RBMS3: variants seen among roughly 807,000 people sequenced by gnomAD.
The protein encoded by RBMS3 is RNA binding motif single stranded interacting protein 3.
Under a neutral mutation model 66.8 loss-of-function variants are expected in RBMS3, and 27 were observed. The observed-to-expected ratio is 0.40, with a 90% CI of 0.30 to 0.56. The LOEUF (loss-of-function observed/expected upper bound fraction) is 0.56, where lower values mean the gene tolerates loss of function less well. RBMS3 is among the 20% of genes least tolerant of loss of function. The pLI is 0.40. For missense variants in RBMS3, 513 were observed against 549.5 expected, an observed-to-expected ratio of 0.93 and a Z score of 0.66; for synonymous variants, 188 against 183.0, an observed-to-expected ratio of 1.03 and a Z score of -0.22.
chr3:29,693,646 G>A (rs2052136999), intron 4 of RBMS3, among the ~76,000 whole-genome samples: 1 of 151,910 alleles, frequency 6.6e-6, no homozygotes, highest in African/African-American at 2.4e-5. Context: ...ATATAAGAAA[G>A]CTTAACATAC....
chr3:29,370,923 T>C (rs2038166693), intron 1 of RBMS3, among the ~76,000 whole-genome samples: 2 of 152,186 alleles, frequency 1.3e-5, no homozygotes, highest in Non-Finnish European at 2.9e-5. Context: ...AATAGTAACA[T>C]TTCTTAACTC....
intron 6 of RBMS3, among the ~76,000 whole-genome samples, chr3:29,859,182 CA>C: frequency 6.6e-6 from 1 of 152,122 alleles, no homozygotes; most frequent in Admixed American, 6.5e-5. Context: ...AAATATAATC[CA>C]GGTGATTTGT....
intron 1 of RBMS3, among the ~76,000 whole-genome samples, chr3:29,366,611 G>A (rs974070321): frequency 6.6e-6 from 1 of 151,910 alleles, no homozygotes; most frequent in African/African-American, 2.4e-5. Context: ...CTGGGATCAA[G>A]CGATCTGCCC....
At chr3:29,947,876 A>C (rs1036441958) in intron 12 of RBMS3, among the ~76,000 whole-genome samples, 1 of 151,072 alleles carries the variant, frequency 6.6e-6, no homozygotes, top group African/African-American at 2.4e-5. Flanking sequence ...CAAGCAGAAG[A>C]CTACTATCAC....
At chr3:29,897,535 A>C in intron 9 of RBMS3, 60 bp downstream of exon 9, 3 of 1,464,046 alleles carry the variant, frequency 2.0e-6, no homozygotes, top group South Asian at 2.3e-5. Context: ...CAGTATTTAG[A>C]GGCAAAAAGG....
chr3:29,656,276 C>T (rs1361587800), intron 4 of RBMS3, among the ~76,000 whole-genome samples: 1 of 152,166 alleles, frequency 6.6e-6, no homozygotes, highest in Non-Finnish European at 1.5e-5. Context: ...CATTCATGTA[C>T]ATCATTTCAA....
At chr3:29,596,557 C>G (rs1302047790) in intron 4 of RBMS3, among the ~76,000 whole-genome samples, 2 of 152,152 alleles carry the variant, frequency 1.3e-5, no homozygotes, top group Non-Finnish European at 2.9e-5. Flanking sequence ...TATTATTATT[C>G]CAATTGTACA....
chr3:29,474,977 A>G (rs2042894991), intron 2 of RBMS3, among the ~76,000 whole-genome samples: 1 of 152,210 alleles, frequency 6.6e-6, no homozygotes, highest in South Asian at 2.1e-4. Context: ...AAAAACTGAT[A>G]TAGTATAAAT....
At chr3:29,625,700 GTAAATAAATAAATAAA>G (rs35124957) in intron 4 of RBMS3, among the ~76,000 whole-genome samples, 2 of 139,918 alleles carry the variant, frequency 1.4e-5, no homozygotes, top group East Asian at 2.3e-4. Context: ...CGCCATTAAA[GTAAATAAATAAATAAA>G]TAAATAAATA....
At chr3:29,646,337 C>A (rs187794809) in intron 4 of RBMS3, among the ~76,000 whole-genome samples, 3 of 152,278 alleles carry the variant, frequency 2.0e-5, no homozygotes, top group Admixed American at 6.5e-5. Flanking sequence ...ACAATTGTGG[C>A]TGTACAATTT....
At chr3:29,954,664 C>T (rs1577239276) in intron 12 of RBMS3, among the ~76,000 whole-genome samples, 1 of 151,968 alleles carries the variant, frequency 6.6e-6, no homozygotes, top group East Asian at 1.9e-4. Flanking sequence ...GCACTCTATG[C>T]CACATGCAAT....
chr3:29,955,152 G>T (rs989795817), intron 12 of RBMS3, among the ~76,000 whole-genome samples: 1 of 151,976 alleles, frequency 6.6e-6, no homozygotes, highest in South Asian at 2.1e-4. Context: ...GGTGATAGCT[G>T]CTCACTGGCC....
chr3:29,562,970 G>T (rs2046609924), intron 3 of RBMS3, among the ~76,000 whole-genome samples: 1 of 152,120 alleles, frequency 6.6e-6, no homozygotes, highest in Non-Finnish European at 1.5e-5. Flanking sequence ...AGACATGTCT[G>T]GAAGAAAAGC....
Position 29,355,555 on chromosome 3 carries a change from C to CAAA in RBMS3, c.75+73801_75+73802insAAA, listed in dbSNP as rs761034684. ...ATTCCTTATGGGAAAATATATACAG[C>CAAA]AAGAAAAAAAAAAGGAAAAAATGTT... On this transcript the variant is annotated intron_variant, in intron 1 of 14. Coordinates refer to ENST00000383767, the MANE Select transcript of RBMS3 (RefSeq NM_001003793.3). Among the ~76,000 whole-genome samples the CAAA allele has an allele frequency of 1.5e-3, 214 of 146,432 alleles. 1 individual carries two copies. Among genetic ancestry groups the CAAA allele is most frequent in the African/African-American group, 4.6e-3 (186 of 40,140 alleles).
chr3:29,439,607 T>TTA (rs1352681533), intron 2 of RBMS3, among the ~76,000 whole-genome samples: 3 of 151,474 alleles, frequency 2.0e-5, no homozygotes, highest in Non-Finnish European at 4.4e-5. Context: ...ATTTATTTAT[T>TTA]TATTTTTATT....
chr3:29,324,136 A>T (rs1241132262), intron 1 of RBMS3, among the ~76,000 whole-genome samples: 1 of 152,190 alleles, frequency 6.6e-6, no homozygotes, highest in Non-Finnish European at 1.5e-5. Context: ...CACAGATTTT[A>T]CTGTGCAATG....
intron 10 of RBMS3, among the ~76,000 whole-genome samples, chr3:29,916,653 G>A (rs1211267098): frequency 6.6e-6 from 1 of 151,898 alleles, no homozygotes; most frequent in Non-Finnish European, 1.5e-5. Flanking sequence ...AATACTGAAA[G>A]TAAAGGAGAA....
chr3:29,316,552 C>T (rs1304883634), intron 1 of RBMS3, among the ~76,000 whole-genome samples: 2 of 151,638 alleles, frequency 1.3e-5, no homozygotes, highest in Non-Finnish European at 3.0e-5. Flanking sequence ...TTCCACTGTG[C>T]TCACTCTGCT....
intron 4 of RBMS3, among the ~76,000 whole-genome samples, chr3:29,640,386 A>G (rs2049655740): frequency 6.6e-6 from 1 of 151,926 alleles, no homozygotes; most frequent in Non-Finnish European, 1.5e-5. Flanking sequence ...AATGAGGAAA[A>G]TGATTAAGCT....
Sources: gnomAD v4.1 joint callset for allele counts (sites outside exome capture counted in the v4.1 genomes callset) on GRCh38, gnomAD v4.1.1 for gene constraint, MANE v1.5 for transcripts, NCBI Gene and HGNC (gene_info 2026-07-23, HGNC 2026-07-21) for gene names.